The following SHTN1 variants were observed in gnomAD, a reference collection of about 807,000 sequenced individuals.
SHTN1 encodes the protein shootin-1.
A neutral mutation model predicts 83.1 loss-of-function variants in SHTN1; 42 were observed. That is an observed-to-expected ratio of 0.51 (90% confidence interval 0.39 to 0.65). The LOEUF is 0.65. Ranked by LOEUF, SHTN1 falls within the 30% of genes least tolerant of loss-of-function variation. SHTN1 has a pLI of 0.00. For missense variants in SHTN1, 622 were observed against 737.8 expected (o/e 0.84, Z 1.82); for synonymous variants, 224 against 247.7 (o/e 0.90, Z 0.90).
chr10:117,042,896 G>A (rs767926891), intron 2 of SHTN1, among the ~76,000 whole-genome samples: 7 of 152,044 alleles, frequency 4.6e-5, no homozygotes, highest in African/African-American at 9.7e-5. Context: ...GATTACAGGC[G>A]TTTGCCATTG....
chr10:116,963,222 C>T (rs1850262613), intron 3 of SHTN1, among the ~76,000 whole-genome samples: 1 of 149,738 alleles, frequency 6.7e-6, no homozygotes, highest in Non-Finnish European at 1.5e-5. Context: ...CAGGCGCCCG[C>T]CATCACGCCC....
chr10:117,096,019 A>G (rs1853499273), intron 1 of SHTN1, among the ~76,000 whole-genome samples: 2 of 152,326 alleles, frequency 1.3e-5, no homozygotes, highest in South Asian at 4.2e-4. Flanking sequence ...CTTTAACAAC[A>G]TAATTCTTAA....
In SHTN1 at chr10:116,901,817, C is replaced by A. The variant is rs1457896401; in HGVS notation, c.1621G>T (p.Gly541Cys). ...NSPSPPTPEPGEGPRKLEGCT... is the reference protein window; with the variant it reads ...NSPSPPTPEPCEGPRKLEGCT... ...CCTTCCAATTTACGGGGCCCTTCAC[C>A]TGGCTCAGGTGTTGGGGGGGACGGG... Residue 541 changes from glycine (G) to cysteine (C), a missense_variant, in exon 16 of 17, where the codon GGT becomes TGT. Transcript: ENST00000355371. 1 of 1,600,874 alleles carries A rather than the reference C, an allele frequency of 6.2e-7. No individual in the cohort carries two copies. The highest frequency in any genetic ancestry group is 2.2e-5 in the East Asian group (1 of 44,482).
Position 116,979,388 on chromosome 10 carries a change from C to T in SHTN1, c.59-80G>A, listed in dbSNP as rs1850935181. On this transcript the variant is annotated intron_variant, in intron 1 of 16. Transcript: ENST00000355371. ...CAACCTGGGGAATCCAACTAACCCCCATAGTCTTCTTACTAGGTTGAGGTA... is the reference window on the plus strand; with the variant it reads ...CAACCTGGGGAATCCAACTAACCCCTATAGTCTTCTTACTAGGTTGAGGTA... The T allele has an allele frequency of 5.4e-6, 6 of 1,106,026 alleles. No individual in the cohort carries two copies. In the South Asian group the frequency reaches 7.5e-5, roughly 14 times the overall value. 68.5% of individuals were successfully genotyped at this position (1,106,026 alleles called of 1,614,324 possible). A position where few individuals can be genotyped will look rare whatever the true frequency, so the allele number is the denominator to read the frequency against.
intron 16 of SHTN1, among the ~76,000 whole-genome samples, chr10:116,893,566 G>A (rs1164467836): frequency 1.3e-3 from 3 of 2,348 alleles, no homozygotes; most frequent in Admixed American, 0.01. Context: ...TCCCTGATAG[G>A]CACTCATGTG....
At chr10:117,040,986 T>C (rs963787933) in intron 2 of SHTN1, among the ~76,000 whole-genome samples, 12 of 152,118 alleles carry the variant, frequency 7.9e-5, no homozygotes, top group Admixed American at 2.6e-4. Flanking sequence ...TTAAGGTACA[T>C]ATGCACAACG....
chr10:117,075,633 A>G (rs996865973), intron 1 of SHTN1, among the ~76,000 whole-genome samples: 1 of 152,132 alleles, frequency 6.6e-6, no homozygotes, highest in Non-Finnish European at 1.5e-5. Context: ...GACACCAGAA[A>G]CTCTACTTGG....
intron 2 of SHTN1, among the ~76,000 whole-genome samples, chr10:117,033,728 A>T (rs1431354838): frequency 6.6e-6 from 1 of 151,892 alleles, no homozygotes; most frequent in Non-Finnish European, 1.5e-5. Flanking sequence ...CATCAAAAAA[A>T]AGGAAACTAC....
chr10:117,074,875 A>C (rs1397805698), intron 1 of SHTN1, among the ~76,000 whole-genome samples: 1 of 152,148 alleles, frequency 6.6e-6, no homozygotes. Context: ...TACGGCTGAG[A>C]GTCATCCTGG....
chr10:116,914,546 G>GAA (rs1848314397), intron 13 of SHTN1, among the ~76,000 whole-genome samples: 1 of 150,738 alleles, frequency 6.6e-6, no homozygotes, highest in African/African-American at 2.5e-5. Context: ...ACGTTCACAC[G>GAA]GTTGAGGTAG....
chr10:116,944,773 C>T lies in SHTN1; in HGVS notation c.711+151G>A, dbSNP rs546001256. On this transcript the variant is annotated intron_variant, in intron 8 of 16. Transcript: ENST00000355371. ...GGGCACGGTGGCGTGTGCCTGTAAT[C>T]CCAGCTACTCGGGGGGCTGAGGCAT... is the stretch of plus-strand genomic sequence containing the variant. 8.4e-5 allele frequency: 51 copies of T among 609,386 alleles called. No homozygotes were observed. The African/African-American group carries it at 9.4e-4, about 11-fold the overall frequency. The allele number at this position is 609,386 out of a possible 1,614,324, so 37.7% of individuals were successfully genotyped here.
intron 5 of SHTN1, among the ~76,000 whole-genome samples, chr10:116,952,483 C>T (rs1435802626): frequency 6.6e-6 from 1 of 152,112 alleles, no homozygotes. Context: ...AGTCCTTAGA[C>T]ATTATTTGAA....
chr10:117,114,655 T>C (rs554463379), intron 1 of SHTN1, among the ~76,000 whole-genome samples: 2 of 152,118 alleles, frequency 1.3e-5, no homozygotes, highest in Non-Finnish European at 2.9e-5. Context: ...CTTGGATGGT[T>C]GGGTTGCTCT....
At chr10:117,030,256 T>C (rs1852393923) in intron 2 of SHTN1, among the ~76,000 whole-genome samples, 1 of 152,200 alleles carries the variant, frequency 6.6e-6, no homozygotes, top group African/African-American at 2.4e-5. Flanking sequence ...CAACCAATAA[T>C]GTGGTATCTC....
At chr10:116,958,515 G>T (rs1027750916) in intron 4 of SHTN1, among the ~76,000 whole-genome samples, 1 of 152,124 alleles carries the variant, frequency 6.6e-6, no homozygotes, top group East Asian at 1.9e-4. Flanking sequence ...GGTTCGTAAC[G>T]AGCAATGAAT....
intron 1 of SHTN1, among the ~76,000 whole-genome samples, chr10:117,086,875 G>A (rs924151565): frequency 6.6e-6 from 1 of 152,098 alleles, no homozygotes; most frequent in Non-Finnish European, 1.5e-5. Flanking sequence ...TATATGAGTG[G>A]ATAAACAAAA....
At chr10:116,978,949 T>C (rs1207211876) in intron 2 of SHTN1, among the ~76,000 whole-genome samples, 1 of 152,200 alleles carries the variant, frequency 6.6e-6, no homozygotes, top group Non-Finnish European at 1.5e-5. Context: ...GAATCCCAAA[T>C]CTGACTGTTA....
intron 1 of SHTN1, among the ~76,000 whole-genome samples, chr10:117,077,197 T>A (rs77324705): frequency 3.0e-4 from 46 of 152,356 alleles, no homozygotes; most frequent in African/African-American, 1.1e-3. Flanking sequence ...TGTGGTCATA[T>A]GTCAGCTTTT....
chr10:117,054,033 G>A (rs928849884), intron 1 of SHTN1, among the ~76,000 whole-genome samples: 3 of 152,048 alleles, frequency 2.0e-5, no homozygotes, highest in Admixed American at 6.6e-5. Context: ...ATAAAATATC[G>A]AGTAGGAAAA....
Sources: gnomAD v4.1 joint callset for allele counts (sites outside exome capture counted in the v4.1 genomes callset) on GRCh38, gnomAD v4.1.1 for gene constraint, MANE v1.5 for transcripts, NCBI Gene and HGNC (gene_info 2026-07-23, HGNC 2026-07-21) for gene names.